The following NCR1 variants were observed in gnomAD, a reference collection of about 807,000 sequenced individuals.
NCR1 encodes NK cell-activating receptor.
Under a neutral mutation model 32.5 loss-of-function variants are expected in NCR1, and 30 were observed. That is an observed-to-expected ratio of 0.92 (90% confidence interval 0.69 to 1.25). The LOEUF (loss-of-function observed/expected upper bound fraction) is 1.25, where lower values mean the gene tolerates loss of function less well. Ranked by LOEUF, NCR1 falls within the 50% of genes most tolerant of loss-of-function variation. NCR1 has a pLI of 0.00. For missense variants in NCR1, 369 were observed against 380.7 expected (o/e 0.97, Z 0.26); for synonymous variants, 169 against 143.4 (o/e 1.18, Z -1.28).
At chr19:54,903,405 TG>T (rs2067352923), upstream of NCR1, among the ~76,000 whole-genome samples, 3 of 143,196 alleles carry the variant, frequency 2.1e-5, no homozygotes, top group African/African-American at 7.8e-5. Context: ...TGTATATGTA[TG>T]TATACACGCA....
At chr19:54,913,468 CCTT>C (rs2068068808), downstream of NCR1, among the ~76,000 whole-genome samples, 2 of 152,200 alleles carry the variant, frequency 1.3e-5, no homozygotes, top group African/African-American at 4.8e-5. Flanking sequence ...AAAGATCTCT[CCTT>C]CTTTAACAGG....
chr19:54,938,174 A>C, the NCR1 span: 1 of 1,614,072 alleles, frequency 6.2e-7, no homozygotes, highest in Non-Finnish European at 8.5e-7. Flanking sequence ...AGAGAGCAGA[A>C]ATCTGTCCAG....
upstream of NCR1, among the ~76,000 whole-genome samples, chr19:54,902,821 G>A (rs2146006007): frequency 6.6e-6 from 1 of 150,862 alleles, no homozygotes. Context: ...ACCGAGTACT[G>A]AATCTTCAGT....
upstream of NCR1, chr19:54,906,049 C>G: frequency 9.9e-7 from 1 of 1,011,796 alleles, no homozygotes; most frequent in Non-Finnish European, 1.5e-6. Context: ...GAGTTGTGAA[C>G]GTTCTGATGA....
At chr19:54,928,697 G>A in the NCR1 span, among the ~76,000 whole-genome samples, 441 of 152,234 alleles carry the variant, frequency 2.9e-3, 6 homozygotes, top group Non-Finnish European at 3.3e-3. Flanking sequence ...CTGGGGGAGG[G>A]AATCTTGTAA....
At chr19:54,922,903 AACAGAC>A in the NCR1 span, among the ~76,000 whole-genome samples, 19 of 151,476 alleles carry the variant, frequency 1.3e-4, no homozygotes, top group East Asian at 2.9e-3. Flanking sequence ...CACACACAGA[AACAGAC>A]ACAGAGACAG....
Position 54,912,856 on chromosome 19 carries a change from C to A in NCR1, c.900C>A (p.Asn300Lys), listed in dbSNP as rs147381767. 1 of 1,613,528 alleles carries A rather than the reference C, an allele frequency of 6.2e-7. No individual in the cohort carries two copies. The highest frequency in any genetic ancestry group is 8.5e-7 in the Non-Finnish European group (1 of 1,179,880). The change falls in exon 7 of 7, where the codon AAC becomes AAA. Residue 300 changes from asparagine (N) to lysine (K), a missense_variant. Asn to Lys is a moderately conservative substitution (Grantham distance 94). Transcript: ENST00000291890. ...ASTWEGRRRL[N>K]TQTL ...CTTGGGAAGGCAGGAGAAGGCTGAA[C>A]ACACAGACTCTTTGAAGAATGACCA...
chr19:54,908,462 C>T (rs2067753416), intron 3 of NCR1, among the ~76,000 whole-genome samples: 3 of 152,162 alleles, frequency 2.0e-5, no homozygotes, highest in Middle Eastern at 3.4e-3. Context: ...TCGACAAAAC[C>T]GCCATCGTCA....
At chr19:54,930,737 A>G in the NCR1 span, 4 of 1,249,466 alleles carry the variant, frequency 3.2e-6, no homozygotes, top group East Asian at 9.3e-5. Context: ...GTTATTTCCA[A>G]CACTATATAC....
chr19:54,910,520 G>C (rs1216376338), intron 5 of NCR1, among the ~76,000 whole-genome samples: 1 of 152,120 alleles, frequency 6.6e-6, no homozygotes, highest in Non-Finnish European at 1.5e-5. Context: ...AGTGAGCTGA[G>C]ATCGCGCCAC....
chr19:54,901,123 G>GGAAAAA, the NCR1 span, among the ~76,000 whole-genome samples: 1 of 101,568 alleles, frequency 9.8e-6, no homozygotes, highest in Non-Finnish European at 1.9e-5. Flanking sequence ...TCTCTACTTT[G>GGAAAAA]AAAAAAAAAA....
chr19:54,905,725 G>A (rs75051059), upstream of NCR1, among the ~76,000 whole-genome samples: 8,546 of 152,134 alleles, frequency 0.056, 303 homozygotes, highest in Middle Eastern at 0.12. Flanking sequence ...TCTCTTCCTC[G>A]GGGGGAACTG....
chr19:54,928,152 G>A, the NCR1 span, among the ~76,000 whole-genome samples: 23 of 152,066 alleles, frequency 1.5e-4, no homozygotes, highest in African/African-American at 4.1e-4. Flanking sequence ...CCTGGGAGGC[G>A]GAGGTTACAG....
downstream of NCR1, among the ~76,000 whole-genome samples, chr19:54,919,338 C>T (rs1182699937): frequency 1.3e-5 from 2 of 152,216 alleles, no homozygotes; most frequent in South Asian, 2.1e-4. Context: ...GCAGAAGGGG[C>T]AGGGTAAAGA....
the NCR1 span, among the ~76,000 whole-genome samples, chr19:54,924,585 A>G: frequency 1.3e-5 from 2 of 152,162 alleles, no homozygotes; most frequent in Admixed American, 1.3e-4. Context: ...AGATTGCCCT[A>G]CTGCACTCCA....
At chr19:54,928,868 T>C in the NCR1 span, among the ~76,000 whole-genome samples, 267 of 152,126 alleles carry the variant, frequency 1.8e-3, 1 homozygote, top group South Asian at 1.0e-2. Context: ...AATGGCGTGA[T>C]CTCGGCTCAC....
the NCR1 span, among the ~76,000 whole-genome samples, chr19:54,900,834 G>T: frequency 6.6e-6 from 1 of 152,118 alleles, no homozygotes; most frequent in Non-Finnish European, 1.5e-5. Context: ...TCGGCATGGG[G>T]TTCTGAAGGG....
intron 5 of NCR1, among the ~76,000 whole-genome samples, chr19:54,911,839 A>G (rs1008526712): frequency 5.9e-5 from 9 of 151,918 alleles, no homozygotes; most frequent in Non-Finnish European, 1.0e-4. Context: ...TAAAAATATG[A>G]AAAAAATTAC....
the NCR1 span, among the ~76,000 whole-genome samples, chr19:54,937,443 G>C: frequency 6.6e-6 from 1 of 151,868 alleles, no homozygotes; most frequent in South Asian, 2.1e-4. Context: ...TGTAATCCCA[G>C]CACTTTCGAA....
Sources: allele counts gnomAD v4.1 joint callset (sites outside exome capture counted in the v4.1 genomes callset), GRCh38; gene constraint gnomAD v4.1.1; transcripts MANE v1.5; gene names NCBI Gene and HGNC (gene_info 2026-07-23, HGNC 2026-07-21).